Variants in ESRRB observed in about 807,000 individuals in gnomAD.
ESRRB encodes the protein steroid hormone receptor ERR2.
ESRRB carries 16 observed loss-of-function variants against 46.0 expected under a neutral mutation model. That is an observed-to-expected ratio of 0.35 (90% CI 0.24 to 0.53). The LOEUF (loss-of-function observed/expected upper bound fraction) is 0.53. Among genes scored for constraint, ESRRB ranks in the 20% least tolerant of loss-of-function variants. The probability of loss-of-function intolerance (pLI) is 0.93; values close to 1 mark genes in which losing one functional copy is unlikely to be tolerated. For synonymous variants in ESRRB, 246 were observed against 259.6 expected (o/e 0.95, Z 0.50); for missense variants, 488 against 607.4 (o/e 0.80, Z 2.07).
intron 1 of ESRRB, among the ~76,000 whole-genome samples, chr14:76,400,553 C>T (rs992606791): frequency 3.3e-5 from 5 of 152,192 alleles, no homozygotes; most frequent in Non-Finnish European, 7.3e-5. Flanking sequence ...GTTGCCTTTT[C>T]CCACGTTTTA....
upstream of ESRRB, among the ~76,000 whole-genome samples, chr14:76,372,302 A>G (rs1374661616): frequency 6.6e-6 from 1 of 152,118 alleles, no homozygotes; most frequent in Non-Finnish European, 1.5e-5. Context: ...TTTCCTAATT[A>G]TCTGCCACCT....
chr14:76,466,397 A>T (rs1370617821), intron 3 of ESRRB, among the ~76,000 whole-genome samples: 2 of 152,062 alleles, frequency 1.3e-5, no homozygotes, highest in African/African-American at 2.4e-5. Flanking sequence ...AAGAAATCAG[A>T]CTTGGGGCTT....
intron 1 of ESRRB, among the ~76,000 whole-genome samples, chr14:76,393,559 G>T (rs1226879879): frequency 6.6e-6 from 1 of 152,178 alleles, no homozygotes; most frequent in Non-Finnish European, 1.5e-5. Flanking sequence ...CATTACCTGG[G>T]ATCAGAGCAG....
At chr14:76,398,856 T>C (rs1440517951) in intron 1 of ESRRB, among the ~76,000 whole-genome samples, 2 of 152,144 alleles carry the variant, frequency 1.3e-5, no homozygotes, top group Admixed American at 6.6e-5. Context: ...CCAGCCTAGG[T>C]CTGCCTGCCT....
intron 1 of ESRRB, among the ~76,000 whole-genome samples, chr14:76,344,252 T>G (rs1335625221): frequency 6.6e-6 from 1 of 152,214 alleles, no homozygotes; most frequent in African/African-American, 2.4e-5. Flanking sequence ...TTATTAGTGT[T>G]GTGCTTTTAT....
intron 1 of ESRRB, among the ~76,000 whole-genome samples, chr14:76,423,385 C>T (rs1887057386): frequency 6.6e-6 from 1 of 152,164 alleles, no homozygotes; most frequent in African/African-American, 2.4e-5. Flanking sequence ...CTCAAGTGAT[C>T]TGCTCACTTT....
chr14:76,457,092 T>G (rs995732043), intron 2 of ESRRB, among the ~76,000 whole-genome samples: 2 of 152,108 alleles, frequency 1.3e-5, no homozygotes, highest in Admixed American at 1.3e-4. Flanking sequence ...CATGAACAGC[T>G]GATGGGGATG....
chr14:76,391,907 G>A (rs1187841826), intron 1 of ESRRB, among the ~76,000 whole-genome samples: 1 of 152,144 alleles, frequency 6.6e-6, no homozygotes. Context: ...GGGGTTGAGG[G>A]CCTAGAGGGG....
chr14:76,464,212 G>A (rs1200172246), intron 3 of ESRRB, among the ~76,000 whole-genome samples: 5 of 152,154 alleles, frequency 3.3e-5, no homozygotes, highest in African/African-American at 4.8e-5. Flanking sequence ...CAGAGAGAAC[G>A]AAGGGACAGG....
intron 5 of ESRRB, among the ~76,000 whole-genome samples, chr14:76,486,864 C>G (rs1347224297): frequency 6.6e-6 from 1 of 152,188 alleles, no homozygotes; most frequent in Admixed American, 6.5e-5. Context: ...CCCAGAGTTA[C>G]TAATAACTTG....
At chr14:76,360,738 TC>T (rs1419342650) in intron 1 of ESRRB, among the ~76,000 whole-genome samples, 1 of 152,154 alleles carries the variant, frequency 6.6e-6, no homozygotes, top group African/African-American at 2.4e-5. Context: ...ATCAGAGGGC[TC>T]CCTCCATTAG....
intron 1 of ESRRB, among the ~76,000 whole-genome samples, chr14:76,429,522 G>A (rs1355430236): frequency 2.0e-5 from 3 of 152,074 alleles, no homozygotes; most frequent in East Asian, 1.9e-4. Context: ...AGGCCAAGAC[G>A]GGTGGATCAC....
chr14:76,419,373 C>T (rs149833281), intron 1 of ESRRB, among the ~76,000 whole-genome samples: 2 of 152,212 alleles, frequency 1.3e-5, no homozygotes, highest in East Asian at 1.9e-4. Flanking sequence ...GTGGGGGACA[C>T]GGTGCTGGGT....
At chr14:76,477,742 G>T (rs55641593) in intron 3 of ESRRB, among the ~76,000 whole-genome samples, 15,463 of 152,072 alleles carry the variant, frequency 0.1, 914 homozygotes, top group Middle Eastern at 0.19. Flanking sequence ...ACAGGCTACT[G>T]TTTTTTTAAC....
intron 3 of ESRRB, among the ~76,000 whole-genome samples, chr14:76,467,500 C>CAAA (rs397709875): frequency 1.5e-3 from 137 of 91,612 alleles, no homozygotes; most frequent in African/African-American, 2.7e-3. Flanking sequence ...GCCTCTGTCT[C>CAAA]AAAAAAAAAA....
chr14:76,345,504 C>A (rs1171131090), intron 1 of ESRRB, among the ~76,000 whole-genome samples: 1 of 152,226 alleles, frequency 6.6e-6, no homozygotes, highest in Non-Finnish European at 1.5e-5. Flanking sequence ...CTATACCTTA[C>A]TCCTGCAAGA....
intron 1 of ESRRB, among the ~76,000 whole-genome samples, chr14:76,388,771 A>AC (rs1284937095): frequency 6.6e-6 from 1 of 151,684 alleles, no homozygotes; most frequent in Non-Finnish European, 1.5e-5. Flanking sequence ...CAGTGGTTTG[A>AC]CCCCCTCCAT....
chr14:76,449,761 C>CTTTT (rs79764142), intron 2 of ESRRB, among the ~76,000 whole-genome samples: 18 of 126,290 alleles, frequency 1.4e-4, no homozygotes, highest in East Asian at 1.1e-3. Flanking sequence ...TTTTTCTTTC[C>CTTTT]TTTTTTTTTT....
intron 1 of ESRRB, among the ~76,000 whole-genome samples, chr14:76,358,348 AAAG>A (rs1392783340): frequency 1.9e-4 from 9 of 47,554 alleles, no homozygotes; most frequent in Non-Finnish European, 3.0e-4. Flanking sequence ...AGAAAGAAAG[AAAG>A]AAAGAAAGAA....
Sources: gnomAD v4.1 joint callset for allele counts (sites outside exome capture counted in the v4.1 genomes callset) on GRCh38, gnomAD v4.1.1 for gene constraint, MANE v1.5 for transcripts, NCBI Gene and HGNC (gene_info 2026-07-23, HGNC 2026-07-21) for gene names.